The following CDH1 variants were observed in gnomAD, a reference collection of about 807,000 sequenced individuals.
The protein encoded by CDH1 is cadherin 1.
CDH1 carries 35 observed loss-of-function variants against 84.5 expected under a neutral mutation model. The observed-to-expected ratio is 0.41, with a 90% confidence interval of 0.32 to 0.55. The LOEUF (loss-of-function observed/expected upper bound fraction) is 0.55. Among genes scored for constraint, CDH1 ranks in the 20% least tolerant of loss-of-function variants. The pLI, the probability that CDH1 is intolerant of heterozygous loss-of-function variation, is 0.19. For synonymous variants in CDH1, 417 were observed against 439.0 expected, an observed-to-expected ratio of 0.95 and a Z score of 0.63; for missense variants, 994 against 1,126.6, an observed-to-expected ratio of 0.88 and a Z score of 1.68.
At chr16:68,807,467 C>T (rs764901070) in intron 3 of CDH1, among the ~76,000 whole-genome samples, 5 of 151,922 alleles carry the variant, frequency 3.3e-5, no homozygotes, top group Non-Finnish European at 5.9e-5. Flanking sequence ...CCCAGGAGTT[C>T]GAGACCAGTC....
rs730881657 is a variant in CDH1 at position 68,828,157 on chromosome 16, C to T, written c.2165-17C>T. ...CTTTGGCTCTCAACACTTGCTCTGT[C>T]TCCCCCACCATCCCAGTTCTGATTC... On this transcript the variant is annotated splice_polypyrimidine_tract_variant and intron_variant, in intron 13 of 15. Transcript: ENST00000261769. 16 of 1,613,588 alleles carry T rather than the reference C, an allele frequency of 9.9e-6. No individual in the cohort carries two copies. Among genetic ancestry groups the T allele is most frequent in the Non-Finnish European group, 1.4e-5 (16 of 1,179,724 alleles).
At chr16:68,829,584 G>A (rs1961420974) in intron 14 of CDH1, 70 bp from the exon 15 acceptor site, 2 of 1,457,674 alleles carry the variant, frequency 1.4e-6, no homozygotes, top group Non-Finnish European at 1.9e-6. Context: ...TCTATAAACT[G>A]AACATAGCCC....
Position 68,831,530 on chromosome 16 carries a change from ATTTATT to A in CDH1, c.2440-1745_2440-1740del, listed in dbSNP as rs61322197. ...GTTTAACCATGCCTTTTATTTATTT[ATTTATT>A]TTTATTTTTATTTTCATTTTTTGAG... On this transcript the variant is annotated intron_variant, in intron 15 of 15. Coordinates refer to ENST00000261769, the MANE Select transcript of CDH1 (RefSeq NM_004360.5). 6.3e-4 allele frequency among the ~76,000 whole-genome samples: 94 copies of A among 150,134 alleles called. 2 individuals are homozygous for A. Among genetic ancestry groups the A allele is most frequent in the African/African-American group, 2.1e-3 (84 of 40,428 alleles).
At chr16:68,756,858 C>T (rs1311890344) in intron 2 of CDH1, among the ~76,000 whole-genome samples, 1 of 152,066 alleles carries the variant, frequency 6.6e-6, no homozygotes, top group African/African-American at 2.4e-5. Context: ...AACAATTACC[C>T]AGGCATGGTG....
At chr16:68,809,407 G>A (rs1327464961) in intron 5 of CDH1, among the ~76,000 whole-genome samples, 1 of 152,046 alleles carries the variant, frequency 6.6e-6, no homozygotes, top group African/African-American at 2.4e-5. Context: ...TTACCATGTT[G>A]GCCAGAGTGG....
intron 11 of CDH1, among the ~76,000 whole-genome samples, chr16:68,821,177 CA>C (rs1293444184): frequency 6.6e-6 from 1 of 151,986 alleles, no homozygotes; most frequent in Non-Finnish European, 1.5e-5. Flanking sequence ...GAAATGCAAA[CA>C]GAAGTGTGGA....
intron 7 of CDH1, 40 bp downstream of exon 7, chr16:68,811,899 T>C: frequency 6.2e-7 from 1 of 1,606,390 alleles, no homozygotes; most frequent in Non-Finnish European, 8.5e-7. Flanking sequence ...GGAGGACAAA[T>C]GTGTATTAGC....
Position 68,833,325 on chromosome 16 carries a change from G to T in CDH1, c.2475G>T (p.Pro825=), listed in dbSNP as rs755658014. Residue 825 remains proline, a synonymous_variant, in exon 16 of 16, where the codon CCG becomes CCT. Transcript: ENST00000261769. ...CGGCTGATACTGACCCCACAGCCCC[G>T]CCTTATGATTCTCTGCTCGTGTTTG... is the stretch of plus-strand genomic sequence containing the variant. ...LKAADTDPTA[P]PYDSLLVFDY... is the part of the protein sequence containing the mutation. 6.2e-7 allele frequency: 1 copy of T among 1,614,092 alleles called. No homozygotes were observed. The highest frequency in any genetic ancestry group is 8.5e-7 in the Non-Finnish European group (1 of 1,180,012).
At chr16:68,810,381 C>T (rs1960788619) in intron 6 of CDH1, 40 bp downstream of exon 6, 1 of 1,599,386 alleles carries the variant, frequency 6.3e-7, no homozygotes, top group Non-Finnish European at 8.6e-7. Flanking sequence ...CAGAAAGACT[C>T]TTAGGTTCTT....
chr16:68,745,505 G>A (rs1284053644), intron 2 of CDH1, among the ~76,000 whole-genome samples: 3 of 119,040 alleles, frequency 2.5e-5, no homozygotes, highest in Non-Finnish European at 4.8e-5. Context: ...ATTGCACCAC[G>A]GCACTCCAGC....
Position 68,811,805 on chromosome 16 carries a change from C to T in CDH1, c.954C>T (p.Thr318=), listed in dbSNP as rs1597894198. ...DPELPDKNMF[T]INRNTGVISV... is the part of the protein sequence containing the mutation. ...AGCTCCCTGACAAAAATATGTTCAC[C>T]ATTAACAGGAACACAGGAGTCATCA... The change falls in exon 7 of 16, where the codon ACC becomes ACT. Residue 318 remains threonine, a synonymous_variant. Transcript: ENST00000261769. 2 of 1,614,140 alleles carry T rather than the reference C, an allele frequency of 1.2e-6. No homozygotes were observed. Among genetic ancestry groups the T allele is most frequent in the Non-Finnish European group, 8.5e-7 (1 of 1,180,024 alleles).
At chr16:68,760,752 G>A (rs536845650) in intron 2 of CDH1, among the ~76,000 whole-genome samples, 9 of 152,282 alleles carry the variant, frequency 5.9e-5, no homozygotes, top group African/African-American at 1.7e-4. Flanking sequence ...ATGCCAAGTC[G>A]TCAGACAATG....
rs1024890089 is a variant in CDH1 at position 68,835,114 on chromosome 16, A to T, written c.*1615A>T. 9 of 231,714 alleles carry T rather than the reference A, an allele frequency of 3.9e-5. No individual in the cohort carries two copies. The highest frequency in any genetic ancestry group is 6.8e-5 in the Non-Finnish European group (8 of 117,184). 14.4% of individuals were successfully genotyped at this position (231,714 alleles called of 1,614,324 possible). On this transcript the variant is annotated 3_prime_UTR_variant, in exon 16 of 16. Coordinates refer to ENST00000261769, the MANE Select transcript of CDH1 (RefSeq NM_004360.5). ...TTCCAGGTGTGCACAGAAAACCGAG[A>T]ATATTCAAAATTCCAAATTTTTTTC...
At chr16:68,810,425 G>T in intron 6 of CDH1, 84 bp downstream of exon 6, 1 of 1,350,264 alleles carries the variant, frequency 7.4e-7, no homozygotes. Flanking sequence ...CCCAAAGGTT[G>T]TGTAACTAAA....
At chr16:68,793,312 C>T (rs1052765718) in intron 2 of CDH1, among the ~76,000 whole-genome samples, 2 of 152,166 alleles carry the variant, frequency 1.3e-5, no homozygotes, top group African/African-American at 4.8e-5. Flanking sequence ...TTCTCTGAGG[C>T]CTGGAACTGG....
intron 9 of CDH1, among the ~76,000 whole-genome samples, chr16:68,814,921 TAAAAAA>T (rs746677240): frequency 1.5e-5 from 2 of 131,682 alleles, no homozygotes; most frequent in African/African-American, 5.5e-5. Flanking sequence ...CTCCATCTCT[TAAAAAA>T]AAAAAAAAAA....
At chr16:68,758,375 G>A (rs1480893976) in intron 2 of CDH1, among the ~76,000 whole-genome samples, 3 of 151,668 alleles carry the variant, frequency 2.0e-5, no homozygotes, top group Non-Finnish European at 2.9e-5. Flanking sequence ...GATTCAATGA[G>A]TTAGCATGTG....
Position 68,833,363 on chromosome 16 carries a change from G to A in CDH1, c.2513G>A (p.Ser838Asn), listed in dbSNP as rs2152143972. The change falls in exon 16 of 16, where the codon AGC becomes AAC. Residue 838 changes from serine to asparagine, a missense_variant. Coordinates refer to ENST00000261769, the MANE Select transcript of CDH1 (RefSeq NM_004360.5). ...DSLLVFDYEG[S>N]GSEAASLSSL... ...CTGCTCGTGTTTGACTATGAAGGAA[G>A]CGGTTCCGAAGCTGCTAGTCTGAGC... 6.2e-7 allele frequency: 1 copy of A among 1,614,218 alleles called. No individual in the cohort carries two copies. The highest frequency in any genetic ancestry group is 8.5e-7 in the Non-Finnish European group (1 of 1,180,044).
rs567842550 is a variant in CDH1, at chr16:68,786,050, C to T, written c.164-15620C>T. ...CTCCTTGTGGTGGTAGCAACAGTAC[C>T]ACAGCATCTTGTGAGTGACCTGTGG... is the stretch of plus-strand genomic sequence containing the variant. On this transcript the variant is annotated intron_variant, in intron 2 of 15. Coordinates refer to ENST00000261769, the MANE Select transcript of CDH1 (RefSeq NM_004360.5). Among the ~76,000 whole-genome samples the T allele has an allele frequency of 3.5e-4, 54 of 152,304 alleles. 2 individuals carry two copies. The South Asian group carries it at 0.01, about 29-fold the overall frequency.
Sources: allele counts gnomAD v4.1 joint callset (sites outside exome capture counted in the v4.1 genomes callset), GRCh38; gene constraint gnomAD v4.1.1; transcripts MANE v1.5; gene names NCBI Gene and HGNC (gene_info 2026-07-23, HGNC 2026-07-21).